Variants in PDCD1LG2 observed in about 807,000 individuals in gnomAD.
PDCD1LG2 encodes the protein B7 dendritic cell molecule.
PDCD1LG2 carries 32 observed loss-of-function variants against 28.2 expected under a neutral mutation model. The ratio of observed to expected loss-of-function variants is 1.13; its 90% CI spans 0.86 to 1.52. The LOEUF (loss-of-function observed/expected upper bound fraction) is 1.52, where lower values mean the gene tolerates loss of function less well. PDCD1LG2 is among the 40% of genes most tolerant of loss of function. The pLI, the probability that PDCD1LG2 is intolerant of heterozygous loss-of-function variation, is 0.00. For missense variants in PDCD1LG2, 385 were observed against 323.8 expected, an observed-to-expected ratio of 1.19 and a Z score of -1.45; for synonymous variants, 116 against 120.2, an observed-to-expected ratio of 0.97 and a Z score of 0.23.
rs116829167 is a variant in PDCD1LG2 at position 5,525,073 on chromosome 9, C to T, written c.55+2472C>T. Among the ~76,000 whole-genome samples the T allele has an allele frequency of 9.9e-3, 1,506 of 152,262 alleles. 29 individuals are homozygous for T. The highest frequency in any genetic ancestry group is 0.035 in the African/African-American group (1,443 of 41,556). ...ATTTTAAAAATAACACTTGGCCAGG[C>T]GCAGTGGCTCACGCCTATAATCCCA... On this transcript the variant is annotated intron_variant, in intron 2 of 6. Coordinates refer to ENST00000397747, the MANE Select transcript of PDCD1LG2 (RefSeq NM_025239.4).
intron 3 of PDCD1LG2, among the ~76,000 whole-genome samples, chr9:5,546,341 G>T (rs1816205468): frequency 6.6e-6 from 1 of 152,064 alleles, no homozygotes; most frequent in South Asian, 2.1e-4. Flanking sequence ...TTCCCCAAAA[G>T]ACTTGAGAGC....
In PDCD1LG2 at chr9:5,570,064, C is replaced by G. The variant is rs2129976559; in HGVS notation, c.*105C>G. ...TGCAGAGCTTGCCATTTGCACTTTTCAAATGCCTTTGGATGACCCAGCACT... is the reference window on the plus strand; with the variant it reads ...TGCAGAGCTTGCCATTTGCACTTTTGAAATGCCTTTGGATGACCCAGCACT... On this transcript the variant is annotated 3_prime_UTR_variant, in exon 7 of 7. Coordinates refer to ENST00000397747, the MANE Select transcript of PDCD1LG2 (RefSeq NM_025239.4). The G allele has an allele frequency of 7.0e-7, 1 of 1,423,720 alleles. No individual in the cohort carries two copies. The highest frequency in any genetic ancestry group is 9.9e-7 in the Non-Finnish European group (1 of 1,012,364). 88.2% of individuals were successfully genotyped at this position (1,423,720 alleles called of 1,614,324 possible).
At chr9:5,518,062 A>G (rs968484628) in intron 1 of PDCD1LG2, among the ~76,000 whole-genome samples, 1 of 152,238 alleles carries the variant, frequency 6.6e-6, no homozygotes, top group Admixed American at 6.5e-5. Context: ...TATTTGCAAG[A>G]TGAGAAATGC....
intron 6 of PDCD1LG2, among the ~76,000 whole-genome samples, chr9:5,567,965 G>A (rs1182079225): frequency 1.3e-5 from 2 of 152,050 alleles, no homozygotes; most frequent in East Asian, 1.9e-4. Context: ...TGAGTATCCC[G>A]ACTTCCTTCT....
At chr9:5,550,697 CTCTTT>C (rs1025344606) in intron 4 of PDCD1LG2, among the ~76,000 whole-genome samples, 24 of 139,562 alleles carry the variant, frequency 1.7e-4, no homozygotes, top group Admixed American at 5.9e-4. Flanking sequence ...CTCTCTCTCT[CTCTTT>C]TTTTTTTTTG....
At chr9:5,554,690 T>C (rs921949870) in intron 4 of PDCD1LG2, among the ~76,000 whole-genome samples, 2 of 152,134 alleles carry the variant, frequency 1.3e-5, no homozygotes, top group Non-Finnish European at 2.9e-5. Flanking sequence ...CATTAGGAAA[T>C]GGAATGGGAC....
intron 1 of PDCD1LG2, among the ~76,000 whole-genome samples, chr9:5,516,533 G>A (rs762803580): frequency 9.2e-5 from 14 of 152,190 alleles, no homozygotes; most frequent in Non-Finnish European, 1.8e-4. Flanking sequence ...GTTTCACCAG[G>A]GACCTAACCC....
intron 2 of PDCD1LG2, among the ~76,000 whole-genome samples, chr9:5,530,987 GCA>G (rs1331043026): frequency 6.6e-6 from 1 of 152,222 alleles, no homozygotes; most frequent in African/African-American, 2.4e-5. Flanking sequence ...AAAGACGCTT[GCA>G]CGTGCAAATG....
intron 6 of PDCD1LG2, among the ~76,000 whole-genome samples, chr9:5,568,740 G>A (rs994345529): frequency 6.6e-6 from 1 of 152,194 alleles, no homozygotes; most frequent in Non-Finnish European, 1.5e-5. Context: ...TCTCAGGGAG[G>A]GAGGAGAGTG....
intron 4 of PDCD1LG2, 123 bp from the exon 5 acceptor site, chr9:5,557,495 C>T: frequency 8.9e-7 from 1 of 1,123,704 alleles, no homozygotes; most frequent in Non-Finnish European, 1.3e-6. Flanking sequence ...AGAATAGGGC[C>T]TGGTGTGGAG....
intron 6 of PDCD1LG2, among the ~76,000 whole-genome samples, chr9:5,564,517 AT>A (rs1276229048): frequency 1.3e-5 from 2 of 152,012 alleles, no homozygotes; most frequent in Non-Finnish European, 2.9e-5. Flanking sequence ...CTAATATCTT[AT>A]TTTCTTTACC....
At chr9:5,543,401 T>C (rs912784167) in intron 3 of PDCD1LG2, among the ~76,000 whole-genome samples, 12 of 152,010 alleles carry the variant, frequency 7.9e-5, no homozygotes, top group Non-Finnish European at 1.8e-4. Flanking sequence ...TAGCCGGGCG[T>C]GGTGGCAGGC....
chr9:5,530,011 C>T (rs753798860), intron 2 of PDCD1LG2, among the ~76,000 whole-genome samples: 46 of 131,106 alleles, frequency 3.5e-4, no homozygotes, highest in Admixed American at 1.2e-3. Flanking sequence ...AAGTACATTA[C>T]GTGGCAAGTC....
chr9:5,518,729 T>C (rs1459892597), intron 1 of PDCD1LG2, among the ~76,000 whole-genome samples: 1 of 152,238 alleles, frequency 6.6e-6, no homozygotes, highest in Non-Finnish European at 1.5e-5. Context: ...TTCTCCTTTT[T>C]ATAGCACTCT....
rs116942744 is a variant in PDCD1LG2, at chr9:5,531,834, A to C, written c.56-2911A>C. 7.1e-3 allele frequency among the ~76,000 whole-genome samples: 1,088 copies of C among 152,330 alleles called. 17 individuals carry two copies. Among genetic ancestry groups the C allele is most frequent in the Non-Finnish European group, 0.011 (774 of 68,018 alleles). ...TCCCTGTTTCCTGTTTATCAAATGT[A>C]ATTAAACAAGAGAAGTATTATAGAA... On this transcript the variant is annotated intron_variant, in intron 2 of 6. Coordinates refer to ENST00000397747, the MANE Select transcript of PDCD1LG2 (RefSeq NM_025239.4).
chr9:5,563,791 G>C (rs1816613573), intron 6 of PDCD1LG2, among the ~76,000 whole-genome samples: 1 of 152,178 alleles, frequency 6.6e-6, no homozygotes, highest in Admixed American at 6.6e-5. Context: ...CAGCAGTCTG[G>C]AAACCCAGGC....
chr9:5,570,093 A>G lies in PDCD1LG2; in HGVS notation c.*134A>G. On this transcript the variant is annotated 3_prime_UTR_variant, in exon 7 of 7. Transcript: ENST00000397747. Reference sequence around the variant, plus strand: ...TGCCTTTGGATGACCCAGCACTTTAATCTGAAACCTGCAACAAGACTAGCC... The same window carrying G: ...TGCCTTTGGATGACCCAGCACTTTAGTCTGAAACCTGCAACAAGACTAGCC... 1 of 1,111,940 alleles carries G rather than the reference A, an allele frequency of 9.0e-7. No individual in the cohort carries two copies. The highest frequency in any genetic ancestry group is 1.4e-6 in the Non-Finnish European group (1 of 737,462). 68.9% of individuals were successfully genotyped at this position (1,111,940 alleles called of 1,614,324 possible).
At chr9:5,537,240 C>A (rs1295397407) in intron 3 of PDCD1LG2, among the ~76,000 whole-genome samples, 1 of 152,050 alleles carries the variant, frequency 6.6e-6, no homozygotes, top group Non-Finnish European at 1.5e-5. Flanking sequence ...GATTCCTTAG[C>A]CTTTATAAGC....
At chr9:5,567,271 A>C (rs1816684215) in intron 6 of PDCD1LG2, among the ~76,000 whole-genome samples, 1 of 152,214 alleles carries the variant, frequency 6.6e-6, no homozygotes, top group Non-Finnish European at 1.5e-5. Flanking sequence ...GATATGCTCT[A>C]AGGATATAAG....
Sources: gnomAD v4.1 joint callset for allele counts (sites outside exome capture counted in the v4.1 genomes callset) on GRCh38, gnomAD v4.1.1 for gene constraint, MANE v1.5 for transcripts, NCBI Gene and HGNC (gene_info 2026-07-23, HGNC 2026-07-21) for gene names.